XKR6: variants seen among roughly 807,000 people sequenced by gnomAD.
The protein encoded by XKR6 is XK related 6, also known as XK-related protein 6.
In XKR6, 22 loss-of-function variants were observed where a neutral mutation model predicts 56.7. That is an observed-to-expected ratio of 0.39 (90% CI 0.28 to 0.55). The LOEUF (loss-of-function observed/expected upper bound fraction) is 0.55. Ranked by LOEUF, XKR6 falls within the 20% of genes least tolerant of loss-of-function variation. The pLI, the probability that XKR6 is intolerant of heterozygous loss-of-function variation, is 0.66. For synonymous variants in XKR6, 524 were observed against 387.8 expected, an observed-to-expected ratio of 1.35 and a Z score of -4.13; for missense variants, 852 against 889.0, an observed-to-expected ratio of 0.96 and a Z score of 0.53.
intron 2 of XKR6, among the ~76,000 whole-genome samples, chr8:10,907,290 G>A (rs988843692): frequency 6.6e-6 from 1 of 152,196 alleles, no homozygotes; most frequent in African/African-American, 2.4e-5. Context: ...AAGTGAGTGG[G>A]CCAAGGGAGA....
chr8:11,022,394 A>G (rs1204449893), intron 1 of XKR6, among the ~76,000 whole-genome samples: 2 of 152,134 alleles, frequency 1.3e-5, no homozygotes, highest in African/African-American at 2.4e-5. Flanking sequence ...CAGCGACCCA[A>G]AACTCTCTTG....
chr8:11,100,176 C>G (rs1053173143), intron 1 of XKR6, among the ~76,000 whole-genome samples: 4 of 152,160 alleles, frequency 2.6e-5, no homozygotes, highest in African/African-American at 7.2e-5. Context: ...CTTCAGCCTC[C>G]CAAGTAGCTG....
chr8:11,141,044 T>A (rs1800670302), intron 1 of XKR6, among the ~76,000 whole-genome samples: 1 of 151,802 alleles, frequency 6.6e-6, no homozygotes, highest in Admixed American at 6.6e-5. Flanking sequence ...AAAATGAGAG[T>A]TAAGAGGCAG....
chr8:11,168,230 C>T (rs895563777), intron 1 of XKR6, among the ~76,000 whole-genome samples: 4 of 152,140 alleles, frequency 2.6e-5, no homozygotes, highest in Non-Finnish European at 4.4e-5. Context: ...GAAGGCCAGA[C>T]ATTGTACTTA....
At chr8:11,076,698 C>A (rs151160856) in intron 1 of XKR6, among the ~76,000 whole-genome samples, 171 of 152,350 alleles carry the variant, frequency 1.1e-3, no homozygotes, top group Non-Finnish European at 1.7e-3. Flanking sequence ...AAGGGTCCAG[C>A]TGAGTCCAGC....
chr8:11,144,364 A>T (rs1800872045), intron 1 of XKR6, among the ~76,000 whole-genome samples: 1 of 150,772 alleles, frequency 6.6e-6, no homozygotes, highest in Admixed American at 6.7e-5. Context: ...AGAAGTGATG[A>T]TACTAGATGA....
intron 1 of XKR6, among the ~76,000 whole-genome samples, chr8:10,987,330 A>G (rs1425632874): frequency 2.6e-5 from 4 of 152,218 alleles, no homozygotes; most frequent in African/African-American, 9.6e-5. Flanking sequence ...AGTCCACTGG[A>G]TAAGAGCAGA....
intron 1 of XKR6, among the ~76,000 whole-genome samples, chr8:11,021,537 C>A (rs1387187564): frequency 6.6e-6 from 1 of 152,052 alleles, no homozygotes; most frequent in Non-Finnish European, 1.5e-5. Context: ...TAGCTTCTAG[C>A]CTTTTGTCCC....
chr8:11,132,837 C>A (rs1199498777), intron 1 of XKR6, among the ~76,000 whole-genome samples: 1 of 145,878 alleles, frequency 6.9e-6, no homozygotes, highest in African/African-American at 2.6e-5. Flanking sequence ...TTTCTTTTCA[C>A]CTGTAATGCT....
intron 1 of XKR6, among the ~76,000 whole-genome samples, chr8:11,052,752 C>A (rs572052452): frequency 1.3e-5 from 2 of 151,258 alleles, no homozygotes; most frequent in South Asian, 4.3e-4. Flanking sequence ...CCTTGCCCAC[C>A]GGGAGTGAGC....
At chr8:10,933,737 A>G (rs374618457) in intron 1 of XKR6, among the ~76,000 whole-genome samples, 19 of 150,240 alleles carry the variant, frequency 1.3e-4, no homozygotes, top group Middle Eastern at 3.4e-3. Flanking sequence ...TGAGGGCTCT[A>G]TTCTGTTCCA....
intron 2 of XKR6, among the ~76,000 whole-genome samples, chr8:10,906,325 T>C (rs190930121): frequency 1.3e-5 from 2 of 152,296 alleles, no homozygotes; most frequent in Admixed American, 1.3e-4. Flanking sequence ...CTTGAAAAGC[T>C]TGGTGGGTGT....
intron 1 of XKR6, among the ~76,000 whole-genome samples, chr8:11,027,825 CT>C (rs765554202): frequency 7.2e-4 from 110 of 152,188 alleles, no homozygotes; most frequent in Non-Finnish European, 1.3e-3. Flanking sequence ...TCCCCTCCCC[CT>C]GGCGCCTCCT....
chr8:11,039,435 A>G (rs538016710), intron 1 of XKR6, among the ~76,000 whole-genome samples: 5 of 152,350 alleles, frequency 3.3e-5, no homozygotes, highest in African/African-American at 1.2e-4. Context: ...TTCCCTGCTT[A>G]CTGGACACGC....
At chr8:11,165,787 G>C (rs563267222) in intron 1 of XKR6, among the ~76,000 whole-genome samples, 1 of 152,086 alleles carries the variant, frequency 6.6e-6, no homozygotes, top group Non-Finnish European at 1.5e-5. Flanking sequence ...TTCTTGTTGA[G>C]ATGATCATTT....
intron 1 of XKR6, among the ~76,000 whole-genome samples, chr8:10,994,041 G>A (rs560772454): frequency 2.9e-4 from 44 of 152,180 alleles, no homozygotes; most frequent in Non-Finnish European, 5.6e-4. Context: ...GGATCCACTA[G>A]AAACTGCAGT....
chr8:11,066,435 G>A (rs1488239197), intron 1 of XKR6, among the ~76,000 whole-genome samples: 1 of 152,266 alleles, frequency 6.6e-6, no homozygotes, highest in African/African-American at 2.4e-5. Context: ...TACAGTGACA[G>A]AGCTGCTCCA....
chr8:11,077,919 C>T (rs1800317467), intron 1 of XKR6, among the ~76,000 whole-genome samples: 3 of 152,086 alleles, frequency 2.0e-5, no homozygotes, highest in Non-Finnish European at 4.4e-5. Context: ...AGCAGCCTCC[C>T]GGTGTCTACC....
intron 1 of XKR6, among the ~76,000 whole-genome samples, chr8:11,116,354 G>A (rs951016169): frequency 1.3e-5 from 2 of 152,138 alleles, no homozygotes; most frequent in Non-Finnish European, 2.9e-5. Flanking sequence ...GCTACCCACA[G>A]CTCAACTCTT....
Sources: gnomAD v4.1 joint callset for allele counts (sites outside exome capture counted in the v4.1 genomes callset) on GRCh38, gnomAD v4.1.1 for gene constraint, MANE v1.5 for transcripts, NCBI Gene and HGNC (gene_info 2026-07-23, HGNC 2026-07-21) for gene names.